Variants in MCC observed in about 807,000 individuals in gnomAD.
MCC encodes colorectal mutant cancer protein.
In MCC, 90 loss-of-function variants were observed where a neutral mutation model predicts 116.2. The observed-to-expected ratio is 0.77, with a 90% CI of 0.65 to 0.92. The LOEUF (loss-of-function observed/expected upper bound fraction) is 0.92, where lower values mean the gene tolerates loss of function less well. MCC is among the 40% of genes least tolerant of loss of function. The pLI is 0.00. For synonymous variants in MCC, 578 were observed against 510.5 expected, an observed-to-expected ratio of 1.13 and a Z score of -1.78; for missense variants, 1,516 against 1,312.2, an observed-to-expected ratio of 1.16 and a Z score of -2.40.
At chr5:113,430,996 A>G (rs549789062) in intron 1 of MCC, among the ~76,000 whole-genome samples, 31 of 152,298 alleles carry the variant, frequency 2.0e-4, no homozygotes, top group Non-Finnish European at 4.4e-4. Context: ...GCAATGGTCT[A>G]AAAAGAAAAG....
intron 2 of MCC, among the ~76,000 whole-genome samples, chr5:113,378,610 G>C (rs1488901712): frequency 6.6e-6 from 1 of 152,194 alleles, no homozygotes; most frequent in Non-Finnish European, 1.5e-5. Flanking sequence ...TGCCCCCAAA[G>C]CTCTGAGAAG....
Position 113,054,017 on chromosome 5 carries a change from T to A in MCC, c.2214-58A>T, listed in dbSNP as rs1752656716. 2.4e-6 allele frequency: 3 copies of A among 1,245,286 alleles called. No homozygotes were observed. The East Asian group carries it at 7.0e-5, about 29-fold the overall frequency. The allele number at this position is 1,245,286 out of a possible 1,614,324, so 77.1% of individuals were successfully genotyped here. On this transcript the variant is annotated intron_variant, in intron 14 of 18. Transcript: ENST00000408903. ...CTGTGTTATTCCAAGTCATGGCAAA[T>A]AGATCTTTCCTCCTCACTCTTCTCC...
intron 3 of MCC, among the ~76,000 whole-genome samples, chr5:113,293,865 C>T (rs947871627): frequency 2.6e-4 from 39 of 152,254 alleles, no homozygotes; most frequent in African/African-American, 8.2e-4. Flanking sequence ...TAGCCAAACG[C>T]ATCGCACGTG....
At chr5:113,118,994 TC>T (rs994189739) in intron 6 of MCC, among the ~76,000 whole-genome samples, 4 of 152,156 alleles carry the variant, frequency 2.6e-5, no homozygotes, top group African/African-American at 9.7e-5. Context: ...TCCATGCTCC[TC>T]CCCGAGGTTA....
At chr5:113,146,052 G>C (rs1759496774) in intron 4 of MCC, among the ~76,000 whole-genome samples, 1 of 151,892 alleles carries the variant, frequency 6.6e-6, no homozygotes, top group South Asian at 2.1e-4. Flanking sequence ...ATATATTAGA[G>C]GAAAAAAACC....
At chr5:113,351,587 G>T (rs1263614677) in intron 2 of MCC, among the ~76,000 whole-genome samples, 2 of 152,016 alleles carry the variant, frequency 1.3e-5, no homozygotes, top group Non-Finnish European at 2.9e-5. Context: ...TGGTTAATGT[G>T]TACAAAAAAA....
chr5:113,089,467 G>A (rs10223152), intron 8 of MCC, among the ~76,000 whole-genome samples: 69,507 of 152,116 alleles, frequency 0.46, 17,457 homozygotes, highest in African/African-American at 0.69. Context: ...AAAAGTTGGT[G>A]AGCCAAGAGC....
chr5:113,096,785 C>T (rs112784989), intron 8 of MCC, among the ~76,000 whole-genome samples: 131 of 152,254 alleles, frequency 8.6e-4, no homozygotes, highest in African/African-American at 2.9e-3. Context: ...CAAGAAACAA[C>T]GTGCCATGCC....
intron 3 of MCC, among the ~76,000 whole-genome samples, chr5:113,215,543 C>T (rs1205428579): frequency 6.6e-6 from 1 of 152,042 alleles, no homozygotes; most frequent in Non-Finnish European, 1.5e-5. Flanking sequence ...GATTAAGGCT[C>T]TTATAAAAGA....
At position 113,176,179 on chromosome 5, in the gene MCC, T is replaced by G. The variant is rs185365995; in HGVS notation, c.628-24757A>C. On this transcript the variant is annotated intron_variant, in intron 3 of 18. Transcript: ENST00000408903. ...TTAGGATTTCTTGCTGAGAAATAGC[T>G]CCTAAATGCCCATTTCTTGTACTGT... 3.8e-3 allele frequency among the ~76,000 whole-genome samples: 578 copies of G among 152,272 alleles called. 6 individuals are homozygous for G. The highest frequency in any genetic ancestry group is 3.4e-3 in the Middle Eastern group (1 of 294).
chr5:113,143,106 A>C lies in MCC; in HGVS notation c.884+112T>G, dbSNP rs989040388. On this transcript the variant is annotated intron_variant, in intron 5 of 18. Coordinates refer to ENST00000408903, the MANE Select transcript of MCC (RefSeq NM_001085377.2). ...AAAACATCATTATAATCTAGTTTAT[A>C]ATCTACAAACTAGAACTTCGGTCTT... is the stretch of plus-strand genomic sequence containing the variant. 10 of 1,146,312 alleles carry C rather than the reference A, an allele frequency of 8.7e-6. No homozygotes were observed. In the African/African-American group the frequency reaches 1.1e-4, roughly 13 times the overall value. The allele number at this position is 1,146,312 out of a possible 1,614,324, so 71.0% of individuals were successfully genotyped here.
chr5:113,077,607 A>G (rs531391598), intron 11 of MCC, among the ~76,000 whole-genome samples: 6 of 152,368 alleles, frequency 3.9e-5, no homozygotes, highest in Admixed American at 2.6e-4. Context: ...TTTGAAACCA[A>G]TGAGAACAAA....
chr5:113,032,951 C>T (rs1040531540), intron 17 of MCC, among the ~76,000 whole-genome samples: 1 of 152,206 alleles, frequency 6.6e-6, no homozygotes, highest in African/African-American at 2.4e-5. Context: ...TATGAATAAT[C>T]CACCCTTTGT....
At chr5:113,385,679 C>T (rs1031898922) in intron 1 of MCC, among the ~76,000 whole-genome samples, 1 of 152,136 alleles carries the variant, frequency 6.6e-6, no homozygotes, top group Non-Finnish European at 1.5e-5. Context: ...CTTTCTGGAC[C>T]AATCAGCTAA....
intron 15 of MCC, among the ~76,000 whole-genome samples, chr5:113,053,391 T>C (rs1469857990): frequency 2.0e-5 from 3 of 152,116 alleles, no homozygotes; most frequent in African/African-American, 7.2e-5. Context: ...ACCCAAGACA[T>C]ATTTCCAAGC....
rs770660171 is a variant in MCC at position 113,043,578 on chromosome 5, G to C, written c.2708C>G (p.Thr903Arg). ...PALSLAELRT[T>R]CSENELAAEF... is the part of the protein sequence containing the mutation. ...CGCAGCCAGCTCATTCTCGCTGCAC[G>C]TTGTCCTGAGTTCGGCTAGGGACAG... The change falls in exon 17 of 19, where the codon ACG (threonine) becomes AGG (arginine). Residue 903 changes from threonine to arginine, a missense_variant. Coordinates refer to ENST00000408903, the MANE Select transcript of MCC (RefSeq NM_001085377.2). 1.2e-6 allele frequency: 2 copies of C among 1,614,096 alleles called. No individual in the cohort carries two copies. The highest frequency in any genetic ancestry group is 1.1e-5 in the South Asian group (1 of 91,060).
chr5:113,320,529 A>AGAGG (rs1446430858), intron 3 of MCC, among the ~76,000 whole-genome samples: 2 of 151,808 alleles, frequency 1.3e-5, no homozygotes, highest in African/African-American at 4.8e-5. Flanking sequence ...GTGATAACCT[A>AGAGG]CAGGCCCTCT....
intron 8 of MCC, among the ~76,000 whole-genome samples, chr5:113,098,615 C>T (rs7724258): frequency 0.37 from 56,605 of 151,938 alleles, 11,915 homozygotes; most frequent in African/African-American, 0.58. Flanking sequence ...TTGCCTGTTG[C>T]TCCTTAGGTA....
intron 1 of MCC, among the ~76,000 whole-genome samples, chr5:113,476,049 T>G (rs1772226235): frequency 6.6e-6 from 1 of 152,148 alleles, no homozygotes; most frequent in Non-Finnish European, 1.5e-5. Context: ...AAAAAGACTG[T>G]AAAATGATCC....
Sources: gnomAD v4.1 joint callset for allele counts (sites outside exome capture counted in the v4.1 genomes callset) on GRCh38, gnomAD v4.1.1 for gene constraint, MANE v1.5 for transcripts, NCBI Gene and HGNC (gene_info 2026-07-23, HGNC 2026-07-21) for gene names.